The following STK32B variants were observed in gnomAD, a reference collection of about 807,000 sequenced individuals.
STK32B encodes the protein serine/threonine-protein kinase 32B.
A neutral mutation model predicts 52.6 loss-of-function variants in STK32B; 43 were observed. The observed-to-expected ratio is 0.82, with a 90% CI of 0.64 to 1.05. STK32B has a LOEUF of 1.05. Among genes scored for constraint, STK32B ranks in the 50% least tolerant of loss-of-function variants. STK32B has a pLI of 0.00. For missense variants in STK32B, 621 were observed against 534.6 expected, an observed-to-expected ratio of 1.16 and a Z score of -1.59; for synonymous variants, 238 against 204.3, an observed-to-expected ratio of 1.17 and a Z score of -1.41.
At chr4:5,481,080 T>G (rs997376015) in intron 11 of STK32B, among the ~76,000 whole-genome samples, 1 of 152,230 alleles carries the variant, frequency 6.6e-6, no homozygotes, top group Non-Finnish European at 1.5e-5. Context: ...TGATTTATAA[T>G]CCTTTTGGTA....
intron 6 of STK32B, among the ~76,000 whole-genome samples, chr4:5,444,901 T>C (rs1715244099): frequency 6.6e-6 from 1 of 152,174 alleles, no homozygotes; most frequent in Non-Finnish European, 1.5e-5. Context: ...GTCAGTTCCT[T>C]TGTAAGGACC....
At chr4:5,221,754 A>T (rs1162771771) in intron 3 of STK32B, among the ~76,000 whole-genome samples, 1 of 151,070 alleles carries the variant, frequency 6.6e-6, no homozygotes, top group African/African-American at 2.4e-5. Flanking sequence ...TACTCAGGAG[A>T]CTGAGGCAGG....
At position 5,398,753 on chromosome 4, in the gene STK32B, C is replaced by T. The variant is rs1400221821; in HGVS notation, c.472+509C>T. Among the ~76,000 whole-genome samples the T allele has an allele frequency of 1.3e-5, 2 of 152,186 alleles. No homozygotes were observed. Among genetic ancestry groups the T allele is most frequent in the African/African-American group, 4.8e-5 (2 of 41,430 alleles). On this transcript the variant is annotated intron_variant, in intron 5 of 11. Coordinates refer to ENST00000282908, the MANE Select transcript of STK32B (RefSeq NM_018401.3). This position sits in a 1 kb window ranked among gnomAD's most constrained non-coding sequence, Gnocchi z 4.9. ...GCTATGTCAGGCTTCTCAAAATTTC[C>T]TTTATGTGCACACAGATCTCCTAGG...
At chr4:5,445,964 A>C (rs939797768) in intron 6 of STK32B, among the ~76,000 whole-genome samples, 29 of 151,062 alleles carry the variant, frequency 1.9e-4, no homozygotes, top group African/African-American at 7.1e-4. Context: ...ACAGAGCTCT[A>C]AGTGTCCATT....
chr4:5,499,287 C>G lies in STK32B; in HGVS notation c.*204C>G. The G allele has an allele frequency of 3.5e-6, 2 of 565,328 alleles. No individual in the cohort carries two copies. Among genetic ancestry groups the G allele is most frequent in the Non-Finnish European group, 2.7e-6 (1 of 366,874 alleles). The allele number at this position is 565,328 out of a possible 1,614,324, so 35.0% of individuals were successfully genotyped here. On this transcript the variant is annotated 3_prime_UTR_variant, in exon 12 of 12. Transcript: ENST00000282908. ...TGACCTCAGACAAGTCACGCCCTCT[C>G]TGTGCCTCCGTTTTCTGCATCTGCC...
chr4:5,037,473 G>T, the STK32B span, among the ~76,000 whole-genome samples: 1 of 152,190 alleles, frequency 6.6e-6, no homozygotes, highest in African/African-American at 2.4e-5. Flanking sequence ...ATGAATGTCT[G>T]ACAGCTAGTG....
intron 3 of STK32B, among the ~76,000 whole-genome samples, chr4:5,297,930 T>G (rs1230884615): frequency 6.6e-6 from 1 of 152,238 alleles, no homozygotes; most frequent in Non-Finnish European, 1.5e-5. Context: ...TATCTACCTT[T>G]GATCTTTGAT....
At chr4:5,324,934 T>C (rs974923089) in intron 3 of STK32B, among the ~76,000 whole-genome samples, 1 of 152,180 alleles carries the variant, frequency 6.6e-6, no homozygotes, top group African/African-American at 2.4e-5. Context: ...CTTGGCTTCT[T>C]GCAAGGACCA....
chr4:5,041,115 C>T, the STK32B span, among the ~76,000 whole-genome samples: 15 of 152,116 alleles, frequency 9.9e-5, no homozygotes, highest in Admixed American at 2.6e-4. Flanking sequence ...AGTCTCTTCT[C>T]GTTGATAGAA....
chr4:5,327,666 C>T (rs1295089303), intron 3 of STK32B, among the ~76,000 whole-genome samples: 1 of 151,934 alleles, frequency 6.6e-6, no homozygotes, highest in Non-Finnish European at 1.5e-5. Flanking sequence ...ACTTATAGAA[C>T]ACAGGCAATA....
chr4:5,337,890 G>A (rs868025306), intron 4 of STK32B, among the ~76,000 whole-genome samples: 19 of 152,128 alleles, frequency 1.2e-4, no homozygotes, highest in Middle Eastern at 6.8e-3. Context: ...TTGAGAAACT[G>A]GGGAAATGGG....
At chr4:5,417,774 G>A (rs1431529812) in intron 6 of STK32B, among the ~76,000 whole-genome samples, 1 of 152,190 alleles carries the variant, frequency 6.6e-6, no homozygotes, top group African/African-American at 2.4e-5. Flanking sequence ...AGTGGTTTAA[G>A]ACAATCACAA....
At chr4:5,401,238 A>G (rs938638995) in intron 5 of STK32B, among the ~76,000 whole-genome samples, 2 of 152,176 alleles carry the variant, frequency 1.3e-5, no homozygotes, top group Non-Finnish European at 2.9e-5. Context: ...ATGAGTCCTA[A>G]GGGCACCCCA....
intron 3 of STK32B, among the ~76,000 whole-genome samples, chr4:5,239,676 G>A (rs569956473): frequency 3.5e-4 from 54 of 152,260 alleles, no homozygotes; most frequent in African/African-American, 1.1e-3. Context: ...GAGGGGTTGT[G>A]GAAAGAGACT....
rs1003272251 is a variant in STK32B at position 5,232,079 on chromosome 4, T to C, written c.260+63629T>C. Among the ~76,000 whole-genome samples the C allele has an allele frequency of 2.6e-5, 4 of 152,294 alleles. No individual in the cohort carries two copies. In the East Asian group the frequency reaches 7.7e-4, roughly 29 times the overall value. On this transcript the variant is annotated intron_variant, in intron 3 of 11. Coordinates refer to ENST00000282908, the MANE Select transcript of STK32B (RefSeq NM_018401.3). ...AAGAATAGAGGCACGTCCCTTCCTT[T>C]GCTGAGCTGACAGCCCAGCCCAGAC... is the stretch of plus-strand genomic sequence containing the variant.
intron 1 of STK32B, among the ~76,000 whole-genome samples, chr4:5,059,651 A>G (rs1742144475): frequency 6.6e-6 from 1 of 152,240 alleles, no homozygotes; most frequent in Non-Finnish European, 1.5e-5. Context: ...CCGTACGCCA[A>G]TACATTCGAA....
chr4:5,103,260 T>C lies in STK32B; in HGVS notation c.53-36645T>C, dbSNP rs538938840. 3.9e-5 allele frequency among the ~76,000 whole-genome samples: 6 copies of C among 152,064 alleles called. No homozygotes were observed. The South Asian group carries it at 1.0e-3, about 26-fold the overall frequency. ...TGCCCTCAGCTTACGAAGTGAAACA[T>C]AGACACAGTTAAAGCCCCATGTTTG... On this transcript the variant is annotated intron_variant, in intron 1 of 11. Coordinates refer to ENST00000282908, the MANE Select transcript of STK32B (RefSeq NM_018401.3).
At chr4:5,441,198 A>C (rs1714709476) in intron 6 of STK32B, among the ~76,000 whole-genome samples, 1 of 150,524 alleles carries the variant, frequency 6.6e-6, no homozygotes, top group Non-Finnish European at 1.5e-5. Flanking sequence ...TCCTCCTTGT[A>C]CCTCTGGTAG....
At chr4:5,127,673 C>A (rs1715488385) in intron 1 of STK32B, among the ~76,000 whole-genome samples, 1 of 152,098 alleles carries the variant, frequency 6.6e-6, no homozygotes, top group Non-Finnish European at 1.5e-5. Flanking sequence ...AGGGGAAGGC[C>A]ATGTGAGGAC....
Sources: allele counts gnomAD v4.1 joint callset (sites outside exome capture counted in the v4.1 genomes callset), GRCh38; gene constraint gnomAD v4.1.1; non-coding constraint Gnocchi (gnomAD v3.1); transcripts MANE v1.5; gene names NCBI Gene and HGNC (gene_info 2026-07-23, HGNC 2026-07-21).